MICU2: variants seen among roughly 807,000 people sequenced by gnomAD.
The protein encoded by MICU2 is mitochondrial calcium uptake 2, also known as calcium uptake protein 2, mitochondrial.
MICU2 carries 64 observed loss-of-function variants against 60.4 expected under a neutral mutation model. That is an observed-to-expected ratio of 1.06 (90% CI 0.87 to 1.31). MICU2 has a LOEUF of 1.31. Ranked by LOEUF, MICU2 falls within the 50% of genes most tolerant of loss-of-function variation. The pLI is 0.00. For synonymous variants in MICU2, 201 were observed against 175.0 expected, an observed-to-expected ratio of 1.15 and a Z score of -1.17; for missense variants, 569 against 531.0, an observed-to-expected ratio of 1.07 and a Z score of -0.70.
chr13:21,510,917 C>A (rs765480640), intron 7 of MICU2, among the ~76,000 whole-genome samples: 1 of 151,938 alleles, frequency 6.6e-6, no homozygotes, highest in Admixed American at 6.5e-5. Flanking sequence ...GGTGAGAAGA[C>A]AACCCTGAGA....
intron 2 of MICU2, among the ~76,000 whole-genome samples, chr13:21,558,440 C>A (rs931472883): frequency 6.6e-6 from 1 of 152,214 alleles, no homozygotes; most frequent in Admixed American, 6.5e-5. Context: ...AAGCAGCCAG[C>A]CTACAGTTTA....
At chr13:21,533,784 T>A (rs972281336) in intron 4 of MICU2, among the ~76,000 whole-genome samples, 2 of 152,110 alleles carry the variant, frequency 1.3e-5, no homozygotes. Context: ...TTTAAAAAAA[T>A]AGCTAGGGAA....
intron 9 of MICU2, among the ~76,000 whole-genome samples, chr13:21,499,226 C>T (rs1886081495): frequency 6.6e-6 from 1 of 152,124 alleles, no homozygotes; most frequent in Admixed American, 6.5e-5. Flanking sequence ...GCTGGAATTA[C>T]AGGTGGGAGC....
chr13:21,509,680 A>C (rs1446624645), intron 8 of MICU2, among the ~76,000 whole-genome samples: 1 of 152,242 alleles, frequency 6.6e-6, no homozygotes, highest in Non-Finnish European at 1.5e-5. Flanking sequence ...TGTTGTTTTA[A>C]GTTGGGTTGG....
chr13:21,602,098 C>T (rs1888831552), intron 1 of MICU2, among the ~76,000 whole-genome samples: 1 of 134,250 alleles, frequency 7.4e-6, no homozygotes, highest in Non-Finnish European at 1.7e-5. Flanking sequence ...GACAGAGACT[C>T]CATCTCAACA....
chr13:21,531,837 AAAAC>A (rs916075879), intron 4 of MICU2, among the ~76,000 whole-genome samples: 6 of 152,260 alleles, frequency 3.9e-5, no homozygotes, highest in African/African-American at 1.4e-4. Flanking sequence ...TCTAAAAACA[AAAAC>A]AAACGAACAA....
At position 21,587,186 on chromosome 13, in the gene MICU2, A is replaced by T. The variant is rs556950024; in HGVS notation, c.210+16753T>A. ...AGACTGGTTACATATGGGGCAATTGAGTATCAAAATAAATGGACTCTTTGA... is the reference window on the plus strand; with the variant it reads ...AGACTGGTTACATATGGGGCAATTGTGTATCAAAATAAATGGACTCTTTGA... On this transcript the variant is annotated intron_variant, in intron 1 of 11. Coordinates refer to ENST00000382374, the MANE Select transcript of MICU2 (RefSeq NM_152726.3). Among the ~76,000 whole-genome samples, 42 of 152,300 alleles carry T rather than the reference A, an allele frequency of 2.8e-4. No individual in the cohort carries two copies. In the South Asian group the frequency reaches 8.5e-3, roughly 31 times the overall value.
chr13:21,521,784 T>C (rs1886722254), intron 5 of MICU2, among the ~76,000 whole-genome samples: 1 of 152,222 alleles, frequency 6.6e-6, no homozygotes, highest in African/African-American at 2.4e-5. Context: ...CCTCTAATTT[T>C]TCTTTTCTTC....
At chr13:21,505,350 G>A (rs1336242886) in intron 8 of MICU2, among the ~76,000 whole-genome samples, 1 of 152,102 alleles carries the variant, frequency 6.6e-6, no homozygotes, top group African/African-American at 2.4e-5. Flanking sequence ...GATGCAGGGC[G>A]GGTAAATGCC....
At chr13:21,537,662 G>C (rs1247114880) in intron 4 of MICU2, among the ~76,000 whole-genome samples, 2 of 151,808 alleles carry the variant, frequency 1.3e-5, no homozygotes, top group Non-Finnish European at 1.5e-5. Flanking sequence ...GTAGAGACAG[G>C]GTTTCCCCAT....
chr13:21,527,873 C>T (rs1886894638), intron 4 of MICU2, among the ~76,000 whole-genome samples: 1 of 152,028 alleles, frequency 6.6e-6, no homozygotes, highest in Admixed American at 6.6e-5. Context: ...ATGTGAAAAC[C>T]CAGTCATCAC....
At chr13:21,515,284 G>A (rs1012271794) in intron 6 of MICU2, among the ~76,000 whole-genome samples, 4 of 151,880 alleles carry the variant, frequency 2.6e-5, no homozygotes, top group Non-Finnish European at 5.9e-5. Flanking sequence ...GGGTTTCACC[G>A]TGTTAGCCAG....
At chr13:21,555,913 C>G (rs1035365909) in intron 2 of MICU2, among the ~76,000 whole-genome samples, 1 of 152,198 alleles carries the variant, frequency 6.6e-6, no homozygotes, top group East Asian at 1.9e-4. Context: ...CAAGCTTCCA[C>G]TGTGCTCTCA....
chr13:21,515,692 T>C (rs1886554213), intron 6 of MICU2: 1 of 250,062 alleles, frequency 4.0e-6, no homozygotes, highest in South Asian at 4.2e-5. Flanking sequence ...ATTTAACAGT[T>C]TGAAAACTGC....
intron 9 of MICU2, among the ~76,000 whole-genome samples, chr13:21,500,941 T>C (rs73153999): frequency 0.17 from 25,947 of 152,134 alleles, 2,978 homozygotes; most frequent in Non-Finnish European, 0.26. Flanking sequence ...AGATGAAACA[T>C]TGTTTCCATG....
chr13:21,540,059 A>G (rs1887244276), intron 2 of MICU2, among the ~76,000 whole-genome samples: 1 of 152,172 alleles, frequency 6.6e-6, no homozygotes, highest in Admixed American at 6.5e-5. Context: ...ATTGATTTAG[A>G]AAAAAACACT....
At chr13:21,505,149 T>C (rs1353300667) in intron 8 of MICU2, among the ~76,000 whole-genome samples, 2 of 152,102 alleles carry the variant, frequency 1.3e-5, no homozygotes, top group Admixed American at 6.6e-5. Flanking sequence ...AAAAAATTCA[T>C]TGGAATAAAA....
chr13:21,559,456 CA>C (rs1172874580), intron 2 of MICU2, among the ~76,000 whole-genome samples: 3 of 151,872 alleles, frequency 2.0e-5, no homozygotes, highest in Non-Finnish European at 4.4e-5. Context: ...ATTTGTATGT[CA>C]AAAGTTATGC....
intron 4 of MICU2, among the ~76,000 whole-genome samples, chr13:21,532,128 G>T (rs1018865585): frequency 6.6e-6 from 1 of 152,150 alleles, no homozygotes; most frequent in Non-Finnish European, 1.5e-5. Flanking sequence ...AGAGAACACT[G>T]ATCTCAATTT....
Sources: gnomAD v4.1 joint callset for allele counts (sites outside exome capture counted in the v4.1 genomes callset) on GRCh38, gnomAD v4.1.1 for gene constraint, MANE v1.5 for transcripts, NCBI Gene and HGNC (gene_info 2026-07-23, HGNC 2026-07-21) for gene names.